ZNF398: variants seen among roughly 807,000 people sequenced by gnomAD.
ZNF398 encodes zinc finger protein 398.
ZNF398 carries 18 observed loss-of-function variants against 41.9 expected under a neutral mutation model. That is an observed-to-expected ratio of 0.43 (90% confidence interval 0.30 to 0.64). The LOEUF is 0.64. Ranked by LOEUF, ZNF398 falls within the 30% of genes least tolerant of loss-of-function variation. The probability of loss-of-function intolerance (pLI) is 0.14; values close to 1 mark genes in which losing one functional copy is unlikely to be tolerated. For synonymous variants in ZNF398, 260 were observed against 308.8 expected, an observed-to-expected ratio of 0.84 and a Z score of 1.66; for missense variants, 669 against 822.8, an observed-to-expected ratio of 0.81 and a Z score of 2.29.
chr7:149,128,780 T>TAAAATAAAATTATA (rs71192757), intron 1 of ZNF398: 1 of 143,420 alleles, frequency 7.0e-6, no homozygotes, highest in African/African-American at 2.6e-5. Flanking sequence ...TAAAATAAAA[T>TAAAATAAAATTATA]TATATATATA....
At chr7:149,169,913 G>A (rs937640330) in intron 4 of ZNF398, among the ~76,000 whole-genome samples, 7 of 152,128 alleles carry the variant, frequency 4.6e-5, no homozygotes, top group Non-Finnish European at 7.4e-5. Context: ...ATCAGCAAAG[G>A]GAAAAGGTAC....
At chr7:149,163,666 G>C (rs1018448196) in intron 2 of ZNF398, among the ~76,000 whole-genome samples, 1 of 152,100 alleles carries the variant, frequency 6.6e-6, no homozygotes, top group African/African-American at 2.4e-5. Flanking sequence ...GTAGAGACAG[G>C]GTTTCGCCAT....
chr7:149,127,854 C>T (rs1826518978), intron 1 of ZNF398, among the ~76,000 whole-genome samples: 1 of 152,150 alleles, frequency 6.6e-6, no homozygotes, highest in South Asian at 2.1e-4. Flanking sequence ...CCCTGAAACT[C>T]CTTGTGCTGC....
Position 149,166,175 on chromosome 7 carries a change from T to A in ZNF398, c.438T>A (p.Asp146Glu), listed in dbSNP as rs764799583. Residue 146 changes from aspartate to glutamate, a missense_variant, in exon 3 of 6, where the codon GAT (aspartate) becomes GAA (glutamate). Asp to Glu is a conservative substitution (Grantham distance 45). Around this residue, in one of 3 missense-constraint regions of ZNF398, gnomAD observed 169 missense variants for 239.5 expected, o/e 0.71. Transcript: ENST00000475153. ...AATTTTAGGTGCCTGTGGCATTTGA[T>A]GATGTCTCCATCTACTTTTCCACTC... is the stretch of plus-strand genomic sequence containing the variant. ...GDIPKVPVAF[D>E]DVSIYFSTPE... 9 of 1,614,002 alleles carry A rather than the reference T, an allele frequency of 5.6e-6. No homozygotes were observed. The South Asian group carries it at 9.9e-5, about 18-fold the overall frequency.
intron 2 of ZNF398, among the ~76,000 whole-genome samples, chr7:149,133,708 C>CAT (rs1281525165): frequency 1.5e-5 from 1 of 67,504 alleles, no homozygotes; most frequent in Non-Finnish European, 2.8e-5. Context: ...TATATATACA[C>CAT]ACATATATAT....
chr7:149,138,936 G>A (rs888459440), intron 2 of ZNF398, among the ~76,000 whole-genome samples: 14 of 131,182 alleles, frequency 1.1e-4, no homozygotes, highest in Admixed American at 1.0e-3. Context: ...TTTTTGAGAC[G>A]GAGTCTTGTT....
intron 4 of ZNF398, among the ~76,000 whole-genome samples, chr7:149,170,915 CTT>C (rs751724829): frequency 3.5e-5 from 5 of 141,564 alleles, no homozygotes; most frequent in African/African-American, 5.2e-5. Context: ...AACATTTTTT[CTT>C]TTTTTTTTTT....
intron 2 of ZNF398, among the ~76,000 whole-genome samples, chr7:149,138,755 TTGTC>T (rs1826765416): frequency 6.6e-6 from 1 of 152,152 alleles, no homozygotes; most frequent in Non-Finnish European, 1.5e-5. Flanking sequence ...TATGTGGCCT[TTGTC>T]TTTATACAAC....
chr7:149,162,112 T>G (rs1795116453), intron 2 of ZNF398, among the ~76,000 whole-genome samples: 1 of 152,178 alleles, frequency 6.6e-6, no homozygotes, highest in African/African-American at 2.4e-5. Context: ...CACTGCAGCC[T>G]TAAGGCTCAA....
At chr7:149,139,848 A>G (rs1826785971) in intron 2 of ZNF398, among the ~76,000 whole-genome samples, 2 of 151,670 alleles carry the variant, frequency 1.3e-5, no homozygotes, top group South Asian at 4.2e-4. Flanking sequence ...TACTAAAAAT[A>G]CAAAAAATTA....
intron 2 of ZNF398, among the ~76,000 whole-genome samples, chr7:149,133,096 T>G (rs1826631349): frequency 6.6e-6 from 1 of 151,916 alleles, no homozygotes; most frequent in Non-Finnish European, 1.5e-5. Flanking sequence ...GCTTCTTTAG[T>G]GCAACCTGTT....
chr7:149,175,550 T>C (rs562654990), intron 4 of ZNF398, among the ~76,000 whole-genome samples: 2 of 152,340 alleles, frequency 1.3e-5, no homozygotes, highest in South Asian at 4.2e-4. Flanking sequence ...ACTTGTATCA[T>C]TTAATAGACA....
At chr7:149,157,212 C>A (rs923261784) in intron 2 of ZNF398, among the ~76,000 whole-genome samples, 2 of 151,692 alleles carry the variant, frequency 1.3e-5, no homozygotes, top group East Asian at 1.9e-4. Flanking sequence ...GTGATACTTT[C>A]AGGAGAGACG....
upstream of ZNF398, among the ~76,000 whole-genome samples, chr7:149,142,856 G>A (rs1826857260): frequency 6.6e-6 from 1 of 152,104 alleles, no homozygotes; most frequent in Non-Finnish European, 1.5e-5. Context: ...ATCAGTAAAC[G>A]GAAACGCACG....
chr7:149,147,774 C>T lies in ZNF398; in HGVS notation c.24+8C>T, dbSNP rs1489333418. ...GAGGCGGCCCCGGCCCCGGTAAGGG[C>T]GGCCGCGCGCGAGTGTTGTGAGCCC... On this transcript the variant is annotated splice_region_variant and intron_variant, in intron 1 of 5. Coordinates refer to ENST00000475153, the MANE Select transcript of ZNF398 (RefSeq NM_170686.3). The surrounding 1 kb of genome is among the most constrained non-coding windows in gnomAD (Gnocchi z 5.6). 3 of 1,392,220 alleles carry T rather than the reference C, an allele frequency of 2.2e-6. No individual in the cohort carries two copies. The highest frequency in any genetic ancestry group is 6.4e-5 in the Admixed American group (2 of 31,484). 86.2% of individuals were successfully genotyped at this position (1,392,220 alleles called of 1,614,324 possible).
Position 149,147,704 on chromosome 7 carries a change from G to A in ZNF398, c.-39G>A, listed in dbSNP as rs1826986607. The stretch of plus-strand genomic sequence containing the variant: ...GGGCGCGGTGGCAGCGGCGGCAGCG[G>A]CGGCGACTTCCGAGGCCCGGGCTAG... On this transcript the variant is annotated 5_prime_UTR_variant, in exon 1 of 6. Transcript: ENST00000475153. This position sits in a 1 kb window ranked among gnomAD's most constrained non-coding sequence, Gnocchi z 5.6. 9 of 1,286,254 alleles carry A rather than the reference G, an allele frequency of 7.0e-6. No individual in the cohort carries two copies. The highest frequency in any genetic ancestry group is 8.8e-6 in the Non-Finnish European group (9 of 1,019,666). 79.7% of individuals were successfully genotyped at this position (1,286,254 alleles called of 1,614,324 possible). A position where few individuals can be genotyped will look rare whatever the true frequency, so the allele number is the denominator to read the frequency against.
intron 1 of ZNF398, among the ~76,000 whole-genome samples, chr7:149,150,713 G>A (rs1020717620): frequency 3.9e-5 from 5 of 127,676 alleles, no homozygotes; most frequent in Admixed American, 3.1e-4. Context: ...GCGCCCCCCC[G>A]CCTCCCCTCC....
intron 4 of ZNF398, among the ~76,000 whole-genome samples, chr7:149,169,768 TA>T (rs952798350): frequency 2.0e-5 from 3 of 151,398 alleles, no homozygotes; most frequent in East Asian, 1.9e-4. Flanking sequence ...CTTGTTTTCT[TA>T]AAAAAAAATA....
At chr7:149,166,626 A>G (rs961058053) in intron 3 of ZNF398, among the ~76,000 whole-genome samples, 191 bp from the exon 4 acceptor site, 1 of 152,300 alleles carries the variant, frequency 6.6e-6, no homozygotes. Context: ...CCCACACATT[A>G]CATCTCCACT....
Sources: allele counts gnomAD v4.1 joint callset (sites outside exome capture counted in the v4.1 genomes callset), GRCh38; gene constraint gnomAD v4.1.1; regional missense constraint gnomAD v4.1.1; non-coding constraint Gnocchi (gnomAD v3.1); transcripts MANE v1.5; gene names NCBI Gene and HGNC (gene_info 2026-07-23, HGNC 2026-07-21).